Variants in RAPGEF2 observed in about 807,000 individuals in gnomAD.
RAPGEF2 encodes the protein Rap guanine nucleotide exchange factor 2.
RAPGEF2 carries 54 observed loss-of-function variants against 186.7 expected under a neutral mutation model. The ratio of observed to expected loss-of-function variants is 0.29; its 90% confidence interval spans 0.23 to 0.36. The LOEUF (loss-of-function observed/expected upper bound fraction) is 0.36, where lower values mean the gene tolerates loss of function less well. Among genes scored for constraint, RAPGEF2 ranks in the 10% least tolerant of loss-of-function variants. RAPGEF2 has a pLI of 1.00. For missense variants in RAPGEF2, 1,532 were observed against 2,045.0 expected (o/e 0.75, Z 4.84); for synonymous variants, 712 against 705.9 (o/e 1.01, Z -0.14).
At chr4:159,291,046 A>G (rs1761141996) in intron 7 of RAPGEF2, among the ~76,000 whole-genome samples, 2 of 152,246 alleles carry the variant, frequency 1.3e-5, no homozygotes, top group African/African-American at 4.8e-5. Context: ...TGATAGACAC[A>G]TAACATGAAT....
At chr4:159,290,519 A>C (rs1233318848) in intron 7 of RAPGEF2, among the ~76,000 whole-genome samples, 3 of 152,220 alleles carry the variant, frequency 2.0e-5, no homozygotes, top group African/African-American at 7.2e-5. Flanking sequence ...GAGGAAGGTA[A>C]ACCACAGCTT....
At chr4:159,247,101 T>A (rs1332668452) in intron 7 of RAPGEF2, among the ~76,000 whole-genome samples, 1 of 152,244 alleles carries the variant, frequency 6.6e-6, no homozygotes, top group Non-Finnish European at 1.5e-5. Flanking sequence ...TCAATATTAC[T>A]ATCAGTGTCT....
chr4:159,285,276 A>G (rs546618284), intron 7 of RAPGEF2, among the ~76,000 whole-genome samples: 1 of 152,188 alleles, frequency 6.6e-6, no homozygotes, highest in South Asian at 2.1e-4. Flanking sequence ...CACATAACAA[A>G]TATCAAAGTT....
intron 8 of RAPGEF2, among the ~76,000 whole-genome samples, chr4:159,312,324 A>G (rs1052293479): frequency 6.6e-6 from 1 of 152,214 alleles, no homozygotes; most frequent in Non-Finnish European, 1.5e-5. Context: ...AGTAATAAAT[A>G]GTCTTCAATG....
At chr4:159,329,059 T>G (rs1011856329) in intron 11 of RAPGEF2, 1 of 152,152 alleles carries the variant, frequency 6.6e-6, no homozygotes. Flanking sequence ...ATACCATGCT[T>G]CTTTCCATTT....
At chr4:159,351,314 TAAGCAGAC>T in intron 26 of RAPGEF2, 1 of 938,016 alleles carries the variant, frequency 1.1e-6, no homozygotes, top group Non-Finnish European at 1.5e-6. Context: ...TTTTTTTTTT[TAAGCAGAC>T]TGTTCAGGGA....
intron 7 of RAPGEF2, among the ~76,000 whole-genome samples, chr4:159,293,268 T>TCAC (rs1761480522): frequency 6.6e-6 from 1 of 152,246 alleles, no homozygotes; most frequent in South Asian, 2.1e-4. Flanking sequence ...TCACTGTTTA[T>TCAC]CACATCGGTT....
chr4:159,185,319 GTA>G (rs1390806026), intron 1 of RAPGEF2, among the ~76,000 whole-genome samples: 2 of 152,086 alleles, frequency 1.3e-5, no homozygotes, highest in Admixed American at 1.3e-4. Context: ...ACTTCTAGGT[GTA>G]TACCCGTGAG....
intron 1 of RAPGEF2, among the ~76,000 whole-genome samples, chr4:159,158,193 C>A (rs1419949804): frequency 6.6e-6 from 1 of 152,118 alleles, no homozygotes; most frequent in Non-Finnish European, 1.5e-5. Flanking sequence ...GGCAATAGTC[C>A]TCTTAATTTC....
At chr4:159,123,109 G>A (rs1200939014) in intron 1 of RAPGEF2, among the ~76,000 whole-genome samples, 3 of 152,038 alleles carry the variant, frequency 2.0e-5, no homozygotes, top group Non-Finnish European at 4.4e-5. Flanking sequence ...TGTGTTAATC[G>A]AGTGTTTATC....
chr4:159,324,870 T>C (rs1765716625), intron 11 of RAPGEF2, among the ~76,000 whole-genome samples: 1 of 152,200 alleles, frequency 6.6e-6, no homozygotes, highest in African/African-American at 2.4e-5. Flanking sequence ...TTATAATTTA[T>C]GACGTCTTCT....
intron 1 of RAPGEF2, among the ~76,000 whole-genome samples, chr4:159,154,979 A>C (rs761776935): frequency 3.9e-5 from 6 of 152,220 alleles, no homozygotes; most frequent in African/African-American, 1.2e-4. Context: ...ACCACTTTTT[A>C]AGTAGCTTAC....
At chr4:159,126,777 G>A (rs537775571) in intron 1 of RAPGEF2, among the ~76,000 whole-genome samples, 38 of 152,034 alleles carry the variant, frequency 2.5e-4, no homozygotes, top group Non-Finnish European at 4.7e-4. Context: ...GCTACAAGAG[G>A]AAAAATGCTG....
intron 1 of RAPGEF2, among the ~76,000 whole-genome samples, chr4:159,120,610 CTA>C (rs1165439239): frequency 6.6e-6 from 1 of 152,122 alleles, no homozygotes; most frequent in Non-Finnish European, 1.5e-5. Context: ...AAACAATTTC[CTA>C]TCAGAAGCTA....
At chr4:159,318,769 A>G (rs1289162273) in intron 9 of RAPGEF2, among the ~76,000 whole-genome samples, 2 of 152,212 alleles carry the variant, frequency 1.3e-5, no homozygotes, top group Non-Finnish European at 2.9e-5. Flanking sequence ...AAAAATTAAT[A>G]AAACATTTCT....
chr4:159,287,218 A>G (rs1310016709), intron 7 of RAPGEF2, among the ~76,000 whole-genome samples: 1 of 152,136 alleles, frequency 6.6e-6, no homozygotes, highest in African/African-American at 2.4e-5. Context: ...ATCACTGAAT[A>G]TCCACATTAG....
chr4:159,119,200 G>A (rs750989401), intron 1 of RAPGEF2, among the ~76,000 whole-genome samples: 13 of 152,070 alleles, frequency 8.5e-5, no homozygotes, highest in Non-Finnish European at 1.9e-4. Context: ...TGGTGCAGAC[G>A]CTCAAGGATG....
intron 25 of RAPGEF2, 79 bp downstream of exon 25, chr4:159,347,077 G>A: frequency 2.3e-6 from 3 of 1,298,070 alleles, no homozygotes; most frequent in Admixed American, 2.1e-5. Flanking sequence ...TATTTGTCTT[G>A]GATAACTTTG....
chr4:159,265,284 C>T (rs1757306617), intron 7 of RAPGEF2, among the ~76,000 whole-genome samples: 1 of 152,094 alleles, frequency 6.6e-6, no homozygotes, highest in Non-Finnish European at 1.5e-5. Context: ...ACAGTAACTG[C>T]TTAAATACTC....
Sources: gnomAD v4.1 joint callset for allele counts (sites outside exome capture counted in the v4.1 genomes callset) on GRCh38, gnomAD v4.1.1 for gene constraint, MANE v1.5 for transcripts, NCBI Gene and HGNC (gene_info 2026-07-23, HGNC 2026-07-21) for gene names.